CNTN1: variants seen among roughly 807,000 people sequenced by gnomAD.
CNTN1 encodes contactin-1.
A neutral mutation model predicts 126.4 loss-of-function variants in CNTN1; 38 were observed. That is an observed-to-expected ratio of 0.30 (90% CI 0.23 to 0.39). The LOEUF is 0.39. Ranked by LOEUF, CNTN1 falls within the 10% of genes least tolerant of loss-of-function variation. CNTN1 has a pLI of 1.00. For synonymous variants in CNTN1, 413 were observed against 422.6 expected (o/e 0.98, Z 0.28); for missense variants, 1,009 against 1,248.4 (o/e 0.81, Z 2.89).
intron 1 of CNTN1, chr12:40,896,170 CACTT>C (rs1292420096): frequency 6.6e-6 from 1 of 152,180 alleles, no homozygotes; most frequent in Non-Finnish European, 1.5e-5. Flanking sequence ...AACACACACA[CACTT>C]ACATGCTGAC....
rs985485467 is a variant in CNTN1 at position 41,071,895 on chromosome 12, T to C, written c.*1860T>C. Reference sequence around the variant, plus strand: ...CAATGTGACCCATGTTGGGCATTTTTATATAATCAACAACTAAATCTTTTG... The same window carrying C: ...CAATGTGACCCATGTTGGGCATTTTCATATAATCAACAACTAAATCTTTTG... On this transcript the variant is annotated 3_prime_UTR_variant, in exon 24 of 24. Coordinates refer to ENST00000551295, the MANE Select transcript of CNTN1 (RefSeq NM_001843.4). 4 of 152,236 alleles carry C rather than the reference T, an allele frequency of 2.6e-5. No individual in the cohort carries two copies. Among genetic ancestry groups the C allele is most frequent in the African/African-American group, 9.6e-5 (4 of 41,478 alleles). The allele number at this position is 152,236 out of a possible 1,614,324, so 9.4% of individuals were successfully genotyped here.
At chr12:40,987,677 CT>C (rs1427485610) in intron 16 of CNTN1, among the ~76,000 whole-genome samples, 1 of 152,112 alleles carries the variant, frequency 6.6e-6, no homozygotes. Flanking sequence ...TAAAATTTTT[CT>C]GCAGTTAACA....
chr12:40,741,174 T>G (rs1937931026), intron 1 of CNTN1, among the ~76,000 whole-genome samples: 1 of 152,130 alleles, frequency 6.6e-6, no homozygotes, highest in Non-Finnish European at 1.5e-5. Context: ...AATTGATATT[T>G]AAAATAGACA....
At chr12:40,724,973 A>G (rs1464672807) in intron 1 of CNTN1, among the ~76,000 whole-genome samples, 1 of 152,230 alleles carries the variant, frequency 6.6e-6, no homozygotes, top group Non-Finnish European at 1.5e-5. Flanking sequence ...ACTCAGAAAA[A>G]TATAAAGAGA....
chr12:41,049,347 A>G (rs563035232), intron 23 of CNTN1, among the ~76,000 whole-genome samples: 1 of 152,348 alleles, frequency 6.6e-6, no homozygotes, highest in South Asian at 2.1e-4. Context: ...CCATTCAGAC[A>G]TCTAATTTAA....
rs182754649 is a variant in CNTN1, at chr12:40,862,702, A to G, written c.-76-45655A>G. ...GATTGTATGCTGTATTGTCAATGTA[A>G]AGGTCATGAAAAAAATCTCCTTGTT... On this transcript the variant is annotated intron_variant, in intron 1 of 23. Transcript: ENST00000551295. 9.9e-5 allele frequency among the ~76,000 whole-genome samples: 15 copies of G among 152,264 alleles called. No homozygotes were observed. In the East Asian group the frequency reaches 2.9e-3, roughly 29 times the overall value.
intron 1 of CNTN1, among the ~76,000 whole-genome samples, chr12:40,891,450 A>G (rs1944235272): frequency 6.6e-6 from 1 of 152,118 alleles, no homozygotes. Context: ...CCCTATTGCT[A>G]TACCAAAGAA....
chr12:40,966,038 ACG>A (rs1330453719), intron 15 of CNTN1, among the ~76,000 whole-genome samples: 7 of 147,920 alleles, frequency 4.7e-5, no homozygotes, highest in South Asian at 2.2e-4. Context: ...ACACACACAC[ACG>A]CACGCATTGG....
chr12:40,919,900 T>C (rs1030223119), intron 4 of CNTN1, among the ~76,000 whole-genome samples: 16 of 152,254 alleles, frequency 1.1e-4, no homozygotes, highest in African/African-American at 3.8e-4. Flanking sequence ...TTAAGCCATA[T>C]ATAATGAGAG....
Position 40,987,101 on chromosome 12 carries a change from C to T in CNTN1, c.1964-6019C>T, listed in dbSNP as rs886679248. On this transcript the variant is annotated intron_variant, in intron 16 of 23. Coordinates refer to ENST00000551295, the MANE Select transcript of CNTN1 (RefSeq NM_001843.4). Reference sequence around the variant, plus strand: ...TTTGTTAGTGTACTAGTGAAGTTCTCTTGTGACTGCATCCTAAGTGGAAGT... The same window carrying T: ...TTTGTTAGTGTACTAGTGAAGTTCTTTTGTGACTGCATCCTAAGTGGAAGT... Among the ~76,000 whole-genome samples, 9 of 152,126 alleles carry T rather than the reference C, an allele frequency of 5.9e-5. 1 individual carries two copies. The South Asian group carries it at 1.5e-3, about 25-fold the overall frequency.
At chr12:40,820,300 C>T (rs1941404605) in intron 1 of CNTN1, among the ~76,000 whole-genome samples, 1 of 152,194 alleles carries the variant, frequency 6.6e-6, no homozygotes, top group South Asian at 2.1e-4. Context: ...ATGACCCAGA[C>T]ACCTCCCATT....
intron 23 of CNTN1, among the ~76,000 whole-genome samples, chr12:41,030,372 C>T (rs191072837): frequency 6.6e-6 from 1 of 151,978 alleles, no homozygotes; most frequent in East Asian, 1.9e-4. Context: ...ACATCCTTTA[C>T]AAATCAAAAT....
chr12:40,787,322 A>G (rs1331472769), intron 1 of CNTN1, among the ~76,000 whole-genome samples: 5 of 152,172 alleles, frequency 3.3e-5, no homozygotes, highest in African/African-American at 9.6e-5. Flanking sequence ...TTTAGCACCA[A>G]ATATGTGCTC....
chr12:40,842,016 T>TA (rs1035166723), intron 1 of CNTN1, among the ~76,000 whole-genome samples: 1 of 151,788 alleles, frequency 6.6e-6, no homozygotes, highest in Non-Finnish European at 1.5e-5. Context: ...AAGAAATAAA[T>TA]AAAAAGATAT....
At chr12:40,857,898 G>A (rs1280642653) in intron 1 of CNTN1, among the ~76,000 whole-genome samples, 1 of 151,966 alleles carries the variant, frequency 6.6e-6, no homozygotes, top group East Asian at 1.9e-4. Flanking sequence ...GGTGGTGGTG[G>A]GATATTACTT....
At chr12:40,728,262 C>T (rs1373730273) in intron 1 of CNTN1, among the ~76,000 whole-genome samples, 2 of 152,092 alleles carry the variant, frequency 1.3e-5, no homozygotes, top group Non-Finnish European at 2.9e-5. Context: ...TGTGCATTAA[C>T]TCCAGGACAT....
At chr12:40,713,706 A>G (rs1941980846) in intron 1 of CNTN1, among the ~76,000 whole-genome samples, 1 of 152,090 alleles carries the variant, frequency 6.6e-6, no homozygotes, top group African/African-American at 2.4e-5. Flanking sequence ...ATAGGAAAAG[A>G]AAGTCAGTAT....
At chr12:40,884,157 T>C (rs868417275) in intron 1 of CNTN1, among the ~76,000 whole-genome samples, 1 of 151,636 alleles carries the variant, frequency 6.6e-6, no homozygotes, top group Non-Finnish European at 1.5e-5. Context: ...AATCCACTTA[T>C]ATTTATTATA....
In CNTN1 at chr12:40,939,400, G is replaced by T. The variant is rs778897121; in HGVS notation, c.1294G>T (p.Val432Leu). ...GATCCTGGCTGCTAAAGGTGGAAGG[G>T]TGATAATTGAATGCAAACCTAAAGC... Reference protein sequence around the residue: ...KKILAAKGGRVIIECKPKAAP... With the variant: ...KKILAAKGGRLIIECKPKAAP... The change falls in exon 12 of 24, where the codon GTG becomes TTG. Residue 432 changes from valine to leucine, a missense_variant. Transcript: ENST00000551295. 3 of 1,613,948 alleles carry T rather than the reference G, an allele frequency of 1.9e-6. No individual in the cohort carries two copies. Among genetic ancestry groups the T allele is most frequent in the South Asian group, 2.2e-5 (2 of 91,086 alleles).
Sources: gnomAD v4.1 joint callset for allele counts (sites outside exome capture counted in the v4.1 genomes callset) on GRCh38, gnomAD v4.1.1 for gene constraint, MANE v1.5 for transcripts, NCBI Gene and HGNC (gene_info 2026-07-23, HGNC 2026-07-21) for gene names.